The following CCDC25 variants were observed in gnomAD, a reference collection of about 807,000 sequenced individuals.
CCDC25 encodes the protein coiled-coil domain containing 25, also known as coiled-coil domain-containing protein 25.
A neutral mutation model predicts 35.3 loss-of-function variants in CCDC25; 16 were observed. That is an observed-to-expected ratio of 0.45 (90% CI 0.31 to 0.69). The LOEUF is 0.69. Ranked by LOEUF, CCDC25 falls within the 30% of genes least tolerant of loss-of-function variation. CCDC25 has a pLI of 0.06. For synonymous variants in CCDC25, 79 were observed against 80.3 expected (o/e 0.98, Z 0.09); for missense variants, 179 against 250.7 (o/e 0.71, Z 1.93).
intron 7 of CCDC25, among the ~76,000 whole-genome samples, chr8:27,746,264 G>A (rs527464193): frequency 2.6e-5 from 4 of 152,198 alleles, no homozygotes; most frequent in Admixed American, 6.5e-5. Context: ...CTAGCCAAAT[G>A]AGCTTATAAC....
At chr8:27,769,818 CACAA>C (rs147730537) in intron 1 of CCDC25, among the ~76,000 whole-genome samples, 2,232 of 152,336 alleles carry the variant, frequency 0.015, 47 homozygotes, top group African/African-American at 0.045. Flanking sequence ...TTCAAACCCA[CACAA>C]ACAATGTGGA....
At chr8:27,752,920 G>A in intron 4 of CCDC25, 1 of 171,450 alleles carries the variant, frequency 5.8e-6, no homozygotes, top group Middle Eastern at 2.6e-3. Flanking sequence ...CTGACTTCTA[G>A]AAACCTTGTG....
chr8:27,749,546 T>G (rs1451258055), intron 5 of CCDC25, among the ~76,000 whole-genome samples: 1 of 152,162 alleles, frequency 6.6e-6, no homozygotes, highest in Non-Finnish European at 1.5e-5. Context: ...CAACTGTGGG[T>G]TAGTAATCCC....
rs551772304 is a variant in CCDC25, at chr8:27,738,126, G to T, written c.598-1881C>A. Among the ~76,000 whole-genome samples the T allele has an allele frequency of 7.9e-5, 12 of 152,170 alleles. No homozygotes were observed. The East Asian group carries it at 2.3e-3, about 29-fold the overall frequency. The stretch of plus-strand genomic sequence containing the variant: ...GGGGACTTAGGGGGAAGAGTGGGAG[G>T]GGGGTGAGGGATAAAAGACTACAAA... On this transcript the variant is annotated intron_variant, in intron 8 of 8. Coordinates refer to ENST00000356537, the MANE Select transcript of CCDC25 (RefSeq NM_018246.3).
At position 27,772,627 on chromosome 8, in the gene CCDC25, T is replaced by C. The variant is rs1585385847; in HGVS notation, c.-87A>G. On this transcript the variant is annotated 5_prime_UTR_variant, in exon 1 of 9. Transcript: ENST00000356537. ...GGATACCAGACTCGCGGCGGCCGCC[T>C]GGCCCCCGGAACTCCTCCGTGCACT... 4.3e-6 allele frequency: 6 copies of C among 1,384,708 alleles called. No individual in the cohort carries two copies. Among genetic ancestry groups the C allele is most frequent in the Non-Finnish European group, 6.0e-6 (6 of 1,003,342 alleles). 85.8% of individuals were successfully genotyped at this position (1,384,708 alleles called of 1,614,324 possible). A position where few individuals can be genotyped will look rare whatever the true frequency, so the allele number is the denominator to read the frequency against.
At chr8:27,738,592 C>CGGTA (rs1188173902) in intron 8 of CCDC25, among the ~76,000 whole-genome samples, 2 of 121,220 alleles carry the variant, frequency 1.6e-5, no homozygotes, top group Non-Finnish European at 3.5e-5. Flanking sequence ...GTATGTAGGT[C>CGGTA]GGTAGGTAGG....
intron 7 of CCDC25, among the ~76,000 whole-genome samples, chr8:27,743,218 C>A (rs1360887614): frequency 2.0e-5 from 3 of 152,222 alleles, no homozygotes; most frequent in Admixed American, 6.5e-5. Context: ...CTCTCCACCC[C>A]AAGTCACCAC....
intron 4 of CCDC25, chr8:27,756,504 TG>T: frequency 1.9e-6 from 1 of 521,550 alleles, no homozygotes; most frequent in Non-Finnish European, 3.4e-6. Context: ...TGCATCTAGC[TG>T]GGAAATATGT....
At chr8:27,755,770 C>T (rs775602015) in intron 4 of CCDC25, among the ~76,000 whole-genome samples, 2 of 152,096 alleles carry the variant, frequency 1.3e-5, no homozygotes, top group African/African-American at 2.4e-5. Flanking sequence ...CGTCTAGTCA[C>T]GAGAAAAAAT....
Position 27,736,041 on chromosome 8 carries a change from T to C in CCDC25, c.*175A>G, listed in dbSNP as rs1803211589. The C allele has an allele frequency of 6.8e-6, 4 of 592,446 alleles. No individual in the cohort carries two copies. The highest frequency in any genetic ancestry group is 3.0e-5 in the East Asian group (1 of 33,170). 36.7% of individuals were successfully genotyped at this position (592,446 alleles called of 1,614,324 possible). ...AACTATTTTATACATATCTGATCCT[T>C]TTCTGTCAGCAAAAAAGGTACAATT... On this transcript the variant is annotated 3_prime_UTR_variant, in exon 9 of 9. Coordinates refer to ENST00000356537, the MANE Select transcript of CCDC25 (RefSeq NM_018246.3).
chr8:27,736,142 A>C lies in CCDC25; in HGVS notation c.*74T>G, dbSNP rs1335072779. Reference sequence around the variant, plus strand: ...TTGGTTGTATTTTATATTTCAGAACACAGATGAAACCAAAAGGTCTGCAAT... The same window carrying C: ...TTGGTTGTATTTTATATTTCAGAACCCAGATGAAACCAAAAGGTCTGCAAT... On this transcript the variant is annotated 3_prime_UTR_variant, in exon 9 of 9. Transcript: ENST00000356537. 3.5e-6 allele frequency: 5 copies of C among 1,420,220 alleles called. No individual in the cohort carries two copies. The highest frequency in any genetic ancestry group is 1.4e-5 in the African/African-American group (1 of 69,430). The allele number at this position is 1,420,220 out of a possible 1,614,324, so 88.0% of individuals were successfully genotyped here.
At chr8:27,758,981 G>GA (rs572377846) in intron 3 of CCDC25, among the ~76,000 whole-genome samples, 4 of 149,100 alleles carry the variant, frequency 2.7e-5, no homozygotes, top group East Asian at 2.0e-4. Flanking sequence ...AAGTATAAGA[G>GA]AAAAAAAAAA....
At chr8:27,770,214 G>A (rs978299811) in intron 1 of CCDC25, among the ~76,000 whole-genome samples, 4 of 152,068 alleles carry the variant, frequency 2.6e-5, no homozygotes, top group Admixed American at 2.0e-4. Flanking sequence ...GGTTAAGGTG[G>A]GTAGATCACT....
At chr8:27,762,269 G>T in intron 3 of CCDC25, 150 bp downstream of exon 3, 1 of 679,236 alleles carries the variant, frequency 1.5e-6, no homozygotes. Flanking sequence ...AACTTGCAAG[G>T]TAATTAGAAA....
intron 7 of CCDC25, among the ~76,000 whole-genome samples, chr8:27,746,537 G>A (rs1191550854): frequency 6.6e-6 from 1 of 152,088 alleles, no homozygotes; most frequent in Non-Finnish European, 1.5e-5. Flanking sequence ...GGCACTAAAA[G>A]GCATATTTTC....
At chr8:27,756,569 T>C in intron 4 of CCDC25, 150 bp downstream of exon 4, 1 of 605,644 alleles carries the variant, frequency 1.7e-6, no homozygotes, top group South Asian at 2.1e-5. Context: ...AGTGATTTTC[T>C]GGGTCAGAGG....
chr8:27,755,964 T>C (rs1317632602), intron 4 of CCDC25, among the ~76,000 whole-genome samples: 2 of 152,208 alleles, frequency 1.3e-5, no homozygotes, highest in Non-Finnish European at 2.9e-5. Flanking sequence ...AGGGCATTAA[T>C]AGAAAGTTGG....
In CCDC25 at chr8:27,736,167, T is replaced by C. The variant is rs753622511; in HGVS notation, c.*49A>G. Reference sequence around the variant, plus strand: ...ACAGATGAAACCAAAAGGTCTGCAATTGTCTCTACATTCACATCTTTCAAA... The same window carrying C: ...ACAGATGAAACCAAAAGGTCTGCAACTGTCTCTACATTCACATCTTTCAAA... On this transcript the variant is annotated 3_prime_UTR_variant, in exon 9 of 9. Coordinates refer to ENST00000356537, the MANE Select transcript of CCDC25 (RefSeq NM_018246.3). 140 of 1,580,564 alleles carry C rather than the reference T, an allele frequency of 8.9e-5. 1 individual carries two copies. The South Asian group carries it at 1.2e-3, about 14-fold the overall frequency.
rs762598226 is a variant in CCDC25, at chr8:27,765,231, T to C, written c.49A>G (p.Ile17Val). ...TCATATTTATCTTTTCCCATGTAAA[T>C]AGTGTAGGCAGATGAATTAACTAAG... ...SSSVNSSAYT[I>V]YMGKDKYENE... Residue 17 changes from isoleucine (I) to valine (V), a missense_variant, in exon 2 of 9, where the codon ATT becomes GTT. Transcript: ENST00000356537. The C allele has an allele frequency of 2.0e-4, 306 of 1,502,306 alleles. No individual in the cohort carries two copies. The highest frequency in any genetic ancestry group is 2.6e-4 in the Non-Finnish European group (289 of 1,107,154). 93.1% of individuals were successfully genotyped at this position (1,502,306 alleles called of 1,614,324 possible). A position where few individuals can be genotyped will look rare whatever the true frequency, so the allele number is the denominator to read the frequency against.
Sources: allele counts gnomAD v4.1 joint callset (sites outside exome capture counted in the v4.1 genomes callset), GRCh38; gene constraint gnomAD v4.1.1; transcripts MANE v1.5; gene names NCBI Gene and HGNC (gene_info 2026-07-23, HGNC 2026-07-21).